The following C11orf65 variants were observed in gnomAD, a reference collection of about 807,000 sequenced individuals.
C11orf65 encodes the protein protein MFI.
In C11orf65, 38 loss-of-function variants were observed where a neutral mutation model predicts 35.3. That is an observed-to-expected ratio of 1.08 (90% CI 0.83 to 1.41). C11orf65 has a LOEUF of 1.41. Ranked by LOEUF, C11orf65 falls within the 40% of genes most tolerant of loss-of-function variation. C11orf65 has a pLI of 0.00. For missense variants in C11orf65, 370 were observed against 367.1 expected (o/e 1.01, Z -0.06); for synonymous variants, 105 against 114.4 (o/e 0.92, Z 0.53).
At chr11:108,429,621 T>C (rs1446326611) in intron 3 of C11orf65, among the ~76,000 whole-genome samples, 1 of 152,170 alleles carries the variant, frequency 6.6e-6, no homozygotes, top group Non-Finnish European at 1.5e-5. Context: ...TACCATATGA[T>C]CCAGCAATTC....
At chr11:108,334,906 A>G in intron 3 of C11orf65, 1 of 1,539,288 alleles carries the variant, frequency 6.5e-7, no homozygotes, top group Non-Finnish European at 9.0e-7. Context: ...TTTATAATGT[A>G]TTTTTCTTTA....
chr11:108,459,726 T>TACACACATACACAC lies in C11orf65; in HGVS notation c.81+1752_81+1753insGTGTGTATGTGTGT, dbSNP rs1555179207. On this transcript the variant is annotated intron_variant, in intron 2 of 8. Coordinates refer to ENST00000393084, the MANE Select transcript of C11orf65 (RefSeq NM_152587.5). ...AGAAGGTGAAAATGTGTCCTCCGTC[T>TACACACATACACAC]ACACACACACACACACACACACACA... 2.2e-5 allele frequency among the ~76,000 whole-genome samples: 3 copies of TACACACATACACAC among 138,570 alleles called. No homozygotes were observed. The East Asian group carries it at 6.6e-4, about 30-fold the overall frequency. The allele number at this position is 138,570 out of a possible 152,430, so 90.9% of individuals were successfully genotyped here.
intron 2 of C11orf65, among the ~76,000 whole-genome samples, chr11:108,443,126 C>A (rs891938450): frequency 6.6e-6 from 1 of 152,072 alleles, no homozygotes; most frequent in African/African-American, 2.4e-5. Flanking sequence ...GGAGGAAGAT[C>A]TAACAAGCAA....
intron 2 of C11orf65, among the ~76,000 whole-genome samples, chr11:108,447,282 C>A (rs1343759704): frequency 6.6e-6 from 1 of 152,050 alleles, no homozygotes; most frequent in African/African-American, 2.4e-5. Context: ...ACCAAGCGGA[C>A]CTAATAGACA....
At chr11:108,325,966 G>A (rs1008681022) in intron 6 of C11orf65, 2 of 1,472,592 alleles carry the variant, frequency 1.4e-6, no homozygotes, top group Non-Finnish European at 1.9e-6. Context: ...AGTCCTCAAT[G>A]AATGGTAGTT....
chr11:108,430,073 G>T (rs917233227), intron 3 of C11orf65, among the ~76,000 whole-genome samples: 1 of 151,632 alleles, frequency 6.6e-6, no homozygotes, highest in Admixed American at 6.6e-5. Flanking sequence ...TGGTGGTGAT[G>T]GTTGGTGATG....
At chr11:108,444,135 G>T (rs530739313) in intron 2 of C11orf65, among the ~76,000 whole-genome samples, 6 of 152,064 alleles carry the variant, frequency 3.9e-5, no homozygotes, top group Admixed American at 6.6e-5. Flanking sequence ...TGATAAAGGG[G>T]ATATCACCAC....
chr11:108,469,520 A>G (rs972967050), upstream of C11orf65, among the ~76,000 whole-genome samples: 8 of 151,540 alleles, frequency 5.3e-5, no homozygotes, highest in African/African-American at 1.9e-4. Flanking sequence ...ACATAATGGC[A>G]AAAACCGCGA....
chr11:108,445,922 G>A (rs1227094951), intron 2 of C11orf65, among the ~76,000 whole-genome samples: 2 of 152,156 alleles, frequency 1.3e-5, no homozygotes, highest in Admixed American at 6.5e-5. Context: ...GCAGAGAAGT[G>A]CTTAAAGGAG....
At position 108,335,774 on chromosome 11, in the gene C11orf65, T is replaced by A. The variant is rs938662937; in HGVS notation, c.227-482A>T. On this transcript the variant is annotated intron_variant, in intron 2 of 3. Transcript: ENST00000524755. Reference sequence around the variant, plus strand: ...AGATTGGTTTGAGTGCCCTTTGCTATTCTCAGATGACTCTGTGTTTTTATA... The same window carrying A: ...AGATTGGTTTGAGTGCCCTTTGCTAATCTCAGATGACTCTGTGTTTTTATA... 2.4e-6 allele frequency: 3 copies of A among 1,269,754 alleles called. No homozygotes were observed. The African/African-American group carries it at 4.4e-5, about 19-fold the overall frequency. The allele number at this position is 1,269,754 out of a possible 1,614,324, so 78.7% of individuals were successfully genotyped here. A position where few individuals can be genotyped will look rare whatever the true frequency, so the allele number is the denominator to read the frequency against.
At chr11:108,362,123 C>T (rs2090838343) in intron 2 of C11orf65, among the ~76,000 whole-genome samples, 1 of 139,966 alleles carries the variant, frequency 7.1e-6, no homozygotes, top group African/African-American at 2.7e-5. Context: ...ACAACCCCAT[C>T]AAAAAGTGGG....
Position 108,310,161 on chromosome 11 carries a change from C to T in C11orf65, c.641-1090G>A, listed in dbSNP as rs587781865. ...ACATTATATCTCATTTTTCTTTAGA[C>T]CTTCTTCAGGAACAATTTTTAATGA... On this transcript the variant is annotated intron_variant, in intron 6 of 6. Transcript: ENST00000525729. The T allele has an allele frequency of 1.3e-5, 21 of 1,612,796 alleles. No homozygotes were observed. The highest frequency in any genetic ancestry group is 1.8e-5 in the Non-Finnish European group (21 of 1,179,302).
At chr11:108,320,352 A>G (rs753802567) in intron 6 of C11orf65, among the ~76,000 whole-genome samples, 23 of 152,248 alleles carry the variant, frequency 1.5e-4, no homozygotes, top group Non-Finnish European at 3.1e-4. Flanking sequence ...TGGTAATTGT[A>G]TGGCATTTAG....
chr11:108,312,443 C>T lies in C11orf65; in HGVS notation c.641-3372G>A. 6.3e-7 allele frequency: 1 copy of T among 1,596,680 alleles called. No individual in the cohort carries two copies. Among genetic ancestry groups the T allele is most frequent in the East Asian group, 2.2e-5 (1 of 44,640 alleles). ...GCATTTGAAGAAGGAAGCCAGAGTA[C>T]AACTATTTCTAGCTTGAGTGAAAAA... On this transcript the variant is annotated intron_variant, in intron 6 of 6. Transcript: ENST00000525729.
intron 2 of C11orf65, among the ~76,000 whole-genome samples, chr11:108,356,788 TAGG>T (rs775089633): frequency 1.6e-4 from 24 of 152,146 alleles, no homozygotes; most frequent in Non-Finnish European, 3.1e-4. Context: ...TTTAGAGTAG[TAGG>T]AGATCAAATG....
chr11:108,336,799 A>C (rs1371858998), intron 2 of C11orf65, among the ~76,000 whole-genome samples: 2 of 152,228 alleles, frequency 1.3e-5, no homozygotes, highest in Non-Finnish European at 1.5e-5. Context: ...GCCTGAGAAG[A>C]CAATCCTCAG....
At chr11:108,453,996 T>C (rs1365643652) in intron 2 of C11orf65, among the ~76,000 whole-genome samples, 1 of 152,232 alleles carries the variant, frequency 6.6e-6, no homozygotes, top group Non-Finnish European at 1.5e-5. Flanking sequence ...TTTAAATATT[T>C]AGTAGAATTC....
intron 2 of C11orf65, among the ~76,000 whole-genome samples, chr11:108,361,553 C>T (rs964806716): frequency 6.6e-6 from 1 of 152,006 alleles, no homozygotes; most frequent in African/African-American, 2.4e-5. Context: ...AACTATACTA[C>T]AAGGCTACAG....
chr11:108,329,893 T>G (rs576252356), downstream of C11orf65, among the ~76,000 whole-genome samples: 2 of 152,378 alleles, frequency 1.3e-5, no homozygotes, highest in African/African-American at 4.8e-5. Context: ...TTGAAATTAA[T>G]TACAAAAGTT....
Sources: gnomAD v4.1 joint callset for allele counts (sites outside exome capture counted in the v4.1 genomes callset) on GRCh38, gnomAD v4.1.1 for gene constraint, MANE v1.5 for transcripts, NCBI Gene and HGNC (gene_info 2026-07-23, HGNC 2026-07-21) for gene names.